The following SLMAP variants were observed in gnomAD, a reference collection of about 807,000 sequenced individuals.
SLMAP encodes the protein sarcolemmal membrane-associated protein.
Under a neutral mutation model 128.8 loss-of-function variants are expected in SLMAP, and 44 were observed. The ratio of observed to expected loss-of-function variants is 0.34; its 90% CI spans 0.27 to 0.44. SLMAP has a LOEUF of 0.44. Among genes scored for constraint, SLMAP ranks in the 20% least tolerant of loss-of-function variants. The pLI is 1.00. For missense variants in SLMAP, 787 were observed against 985.3 expected (o/e 0.80, Z 2.69); for synonymous variants, 327 against 348.8 (o/e 0.94, Z 0.70).
At chr3:57,778,790 G>A (rs766117628) in intron 2 of SLMAP, among the ~76,000 whole-genome samples, 6 of 151,864 alleles carry the variant, frequency 4.0e-5, no homozygotes, top group Non-Finnish European at 5.9e-5. Flanking sequence ...TGCCCAGGCT[G>A]TCTAGTTTCT....
intron 2 of SLMAP, among the ~76,000 whole-genome samples, chr3:57,765,566 A>G (rs2079517260): frequency 6.6e-6 from 1 of 152,210 alleles, no homozygotes; most frequent in African/African-American, 2.4e-5. Flanking sequence ...TTTCCTCCAC[A>G]CATCTAAACA....
intron 17 of SLMAP, chr3:57,897,162 T>G (rs2096263847): frequency 8.2e-7 from 1 of 1,225,984 alleles, no homozygotes. Context: ...AAGTGTTAAG[T>G]GGTAGAATAT....
At chr3:57,814,080 G>A (rs2091473677) in intron 2 of SLMAP, among the ~76,000 whole-genome samples, 1 of 150,866 alleles carries the variant, frequency 6.6e-6, no homozygotes, top group African/African-American at 2.4e-5. Context: ...ATGACCTTCT[G>A]TGAGCATTAT....
intron 3 of SLMAP, among the ~76,000 whole-genome samples, chr3:57,831,769 T>G (rs1053320525): frequency 6.6e-6 from 1 of 152,202 alleles, no homozygotes; most frequent in African/African-American, 2.4e-5. Context: ...TCAGCTGCAA[T>G]GACAGCATAC....
At chr3:57,793,067 A>AACT (rs2085885294) in intron 2 of SLMAP, among the ~76,000 whole-genome samples, 1 of 152,112 alleles carries the variant, frequency 6.6e-6, no homozygotes, top group Non-Finnish European at 1.5e-5. Context: ...TGAGTCCAGG[A>AACT]GGCCGAAGTT....
intron 15 of SLMAP, among the ~76,000 whole-genome samples, chr3:57,891,632 A>G (rs575623546): frequency 2.0e-5 from 3 of 150,624 alleles, no homozygotes; most frequent in African/African-American, 7.3e-5. Flanking sequence ...GCTGGAGTGC[A>G]GTGGCACAAT....
chr3:57,846,135 TG>T (rs1475226909), intron 4 of SLMAP, among the ~76,000 whole-genome samples: 1 of 152,178 alleles, frequency 6.6e-6, no homozygotes, highest in South Asian at 2.1e-4. Flanking sequence ...CCACTGTGCC[TG>T]ACTCGATTAT....
intron 2 of SLMAP, among the ~76,000 whole-genome samples, chr3:57,777,244 T>A (rs896045872): frequency 6.6e-6 from 1 of 151,770 alleles, no homozygotes; most frequent in African/African-American, 2.4e-5. Context: ...AAACTTAAAG[T>A]ATAATAATAA....
intron 2 of SLMAP, among the ~76,000 whole-genome samples, chr3:57,811,132 C>T (rs894341767): frequency 3.3e-5 from 5 of 152,106 alleles, no homozygotes; most frequent in Admixed American, 2.6e-4. Context: ...GTATACAGTT[C>T]AGGGTATTAT....
chr3:57,805,566 G>A (rs1214730667), intron 2 of SLMAP, among the ~76,000 whole-genome samples: 1 of 152,044 alleles, frequency 6.6e-6, no homozygotes, highest in African/African-American at 2.4e-5. Flanking sequence ...CGTAATTCAG[G>A]GCCTTATTAT....
chr3:57,792,826 T>G (rs547225000), intron 2 of SLMAP, among the ~76,000 whole-genome samples: 69 of 152,278 alleles, frequency 4.5e-4, no homozygotes, highest in African/African-American at 1.7e-3. Context: ...TACATTATGT[T>G]TCCCAGGCTG....
rs144433860 is a variant in SLMAP at position 57,916,025 on chromosome 3, G to A, written c.2139-881G>A. Among the ~76,000 whole-genome samples the A allele has an allele frequency of 4.2e-3, 634 of 152,004 alleles. 6 individuals carry two copies. Among genetic ancestry groups the A allele is most frequent in the African/African-American group, 0.015 (612 of 41,466 alleles). On this transcript the variant is annotated intron_variant, in intron 21 of 24. Transcript: ENST00000671191. ...TATAAAATGAGCCAGGCATGGTGGC[G>A]CATGCCTGTAATCCCAGCTACTCAG...
At chr3:57,864,401 T>G in intron 10 of SLMAP, 147 bp from the exon 11 acceptor site, 1 of 526,836 alleles carries the variant, frequency 1.9e-6, no homozygotes, top group Non-Finnish European at 3.3e-6. Flanking sequence ...GAAAGAAATG[T>G]CAGGTTTACA....
intron 2 of SLMAP, among the ~76,000 whole-genome samples, chr3:57,795,303 GC>G (rs2153481024): frequency 6.6e-6 from 1 of 152,228 alleles, no homozygotes; most frequent in South Asian, 2.1e-4. Flanking sequence ...ACTGTGGGAA[GC>G]TGAGGCGGGC....
rs557564806 is a variant in SLMAP at position 57,780,668 on chromosome 3, G to A, written c.198+22819G>A. Among the ~76,000 whole-genome samples, 18 of 151,464 alleles carry A rather than the reference G, an allele frequency of 1.2e-4. 1 individual carries two copies. In the South Asian group the frequency reaches 2.3e-3, roughly 19 times the overall value. On this transcript the variant is annotated intron_variant, in intron 2 of 24. Coordinates refer to ENST00000671191, the MANE Select transcript of SLMAP (RefSeq NM_001377540.1). ...TAAATAATTTTTTTTTTTTGAGACA[G>A]GGTCTTGCTTTGTTGCACAGGTTAG...
At chr3:57,861,107 C>G (rs1282386985) in intron 9 of SLMAP, among the ~76,000 whole-genome samples, 2 of 150,946 alleles carry the variant, frequency 1.3e-5, no homozygotes, top group Non-Finnish European at 3.0e-5. Context: ...ACCCTCCATA[C>G]AGCAGACCAT....
chr3:57,830,696 C>G lies in SLMAP; in HGVS notation c.199-687C>G, dbSNP rs147059439. 2.0e-3 allele frequency among the ~76,000 whole-genome samples: 306 copies of G among 152,300 alleles called. 1 individual carries two copies. Among genetic ancestry groups the G allele is most frequent in the African/African-American group, 7.0e-3 (289 of 41,566 alleles). On this transcript the variant is annotated intron_variant, in intron 2 of 24. Transcript: ENST00000671191. Reference sequence around the variant, plus strand: ...ACCACTAATTTTAGAATATTTTCATCATCTCAAAAAGAAACCTTGTACCCA... The same window carrying G: ...ACCACTAATTTTAGAATATTTTCATGATCTCAAAAAGAAACCTTGTACCCA...
At chr3:57,912,879 A>G (rs980127091) in intron 20 of SLMAP, among the ~76,000 whole-genome samples, 178 bp downstream of exon 20, 1 of 152,198 alleles carries the variant, frequency 6.6e-6, no homozygotes, top group Admixed American at 6.5e-5. Flanking sequence ...ACTTAAATTT[A>G]TATTTTTTTA....
chr3:57,905,163 A>AGT (rs987647981), intron 17 of SLMAP, among the ~76,000 whole-genome samples: 2 of 151,844 alleles, frequency 1.3e-5, no homozygotes, highest in African/African-American at 4.9e-5. Flanking sequence ...AGACTTAAGA[A>AGT]GTGTGTGTGT....
Sources: gnomAD v4.1 joint callset for allele counts (sites outside exome capture counted in the v4.1 genomes callset) on GRCh38, gnomAD v4.1.1 for gene constraint, MANE v1.5 for transcripts, NCBI Gene and HGNC (gene_info 2026-07-23, HGNC 2026-07-21) for gene names.